The following CAP2 variants were observed in gnomAD, a reference collection of about 807,000 sequenced individuals.
The protein encoded by CAP2 is cyclase associated actin cytoskeleton regulatory protein 2.
A neutral mutation model predicts 57.7 loss-of-function variants in CAP2; 24 were observed. That is an observed-to-expected ratio of 0.42 (90% confidence interval 0.30 to 0.58). The LOEUF is 0.58. CAP2 is among the 20% of genes least tolerant of loss of function. The probability of loss-of-function intolerance (pLI) is 0.22; values close to 1 mark genes in which losing one functional copy is unlikely to be tolerated. For synonymous variants in CAP2, 194 were observed against 207.2 expected, an observed-to-expected ratio of 0.94 and a Z score of 0.55; for missense variants, 501 against 590.3, an observed-to-expected ratio of 0.85 and a Z score of 1.57.
chr6:17,551,445 G>A lies in CAP2; in HGVS notation c.1210-19G>A. 2.5e-6 allele frequency: 4 copies of A among 1,575,658 alleles called. No individual in the cohort carries two copies. Among genetic ancestry groups the A allele is most frequent in the Non-Finnish European group, 2.6e-6 (3 of 1,157,262 alleles). Reference sequence around the variant, plus strand: ...TTCTGTTTCTTTGCTTTGGTCCCAGGTATTTTTTCCTATTTCAGGTAATGG... The same window carrying A: ...TTCTGTTTCTTTGCTTTGGTCCCAGATATTTTTTCCTATTTCAGGTAATGG... On this transcript the variant is annotated intron_variant, in intron 11 of 12. Coordinates refer to ENST00000229922, the MANE Select transcript of CAP2 (RefSeq NM_006366.3).
chr6:17,550,567 C>T (rs73379006), intron 11 of CAP2, among the ~76,000 whole-genome samples: 2,570 of 151,938 alleles, frequency 0.017, 67 homozygotes, highest in African/African-American at 0.058. Context: ...GGTTTGCAAT[C>T]CAGCCTTTTC....
chr6:17,489,380 C>T (rs778374275), intron 4 of CAP2, among the ~76,000 whole-genome samples: 5 of 152,110 alleles, frequency 3.3e-5, no homozygotes, highest in Admixed American at 6.6e-5. Context: ...TGCAGTGAGC[C>T]GAGATCATGC....
chr6:17,421,658 G>A lies in CAP2; in HGVS notation c.103G>A (p.Val35Ile). Residue 35 changes from valine to isoleucine, a missense_variant, in exon 2 of 13, where the codon GTC (valine) becomes ATC (isoleucine). Transcript: ENST00000229922. ...CAGGCCCCCTGGGAACTGCGGGGAA[G>A]TCAATGGTGTCATTGCAGGTAGGGT... ...SHRPPGNCGE[V>I]NGVIAGVAPS... 1 of 1,614,112 alleles carries A rather than the reference G, an allele frequency of 6.2e-7. No homozygotes were observed. Among genetic ancestry groups the A allele is most frequent in the Non-Finnish European group, 8.5e-7 (1 of 1,180,050 alleles).
chr6:17,394,508 G>A (rs182735862), intron 1 of CAP2, among the ~76,000 whole-genome samples: 67 of 152,316 alleles, frequency 4.4e-4, no homozygotes, highest in African/African-American at 1.5e-3. Context: ...TCTTAAAAAT[G>A]AGTATGTATG....
chr6:17,536,569 C>T (rs77782745), intron 7 of CAP2, among the ~76,000 whole-genome samples: 5,787 of 152,250 alleles, frequency 0.038, 387 homozygotes, highest in African/African-American at 0.13. Context: ...TATCAAAGTT[C>T]CAAAAAGTTG....
chr6:17,510,349 A>C (rs1762113835), intron 6 of CAP2, among the ~76,000 whole-genome samples: 1 of 152,206 alleles, frequency 6.6e-6, no homozygotes, highest in African/African-American at 2.4e-5. Context: ...TTTATTTCAA[A>C]AAACAAAAAG....
At chr6:17,437,834 G>A (rs542085415) in intron 3 of CAP2, among the ~76,000 whole-genome samples, 14 of 152,208 alleles carry the variant, frequency 9.2e-5, no homozygotes, top group Admixed American at 2.6e-4. Context: ...CAGAGATCAC[G>A]CCACTGCACT....
rs898052020 is a variant in CAP2, at chr6:17,469,444, G to A, written c.300+6371G>A. 4.6e-5 allele frequency among the ~76,000 whole-genome samples: 7 copies of A among 152,080 alleles called. No homozygotes were observed. The East Asian group carries it at 1.3e-3, about 29-fold the overall frequency. On this transcript the variant is annotated intron_variant, in intron 4 of 12. Coordinates refer to ENST00000229922, the MANE Select transcript of CAP2 (RefSeq NM_006366.3). ...TGTGTGTGTGTGTGTCTGTGTGTGT[G>A]TGTATTTGCATGGAATCAATATGTA... is the stretch of plus-strand genomic sequence containing the variant.
At position 17,556,477 on chromosome 6, in the gene CAP2, C is replaced by T. The variant is rs10456206; in HGVS notation, c.*35C>T. On this transcript the variant is annotated 3_prime_UTR_variant, in exon 13 of 13. Coordinates refer to ENST00000229922, the MANE Select transcript of CAP2 (RefSeq NM_006366.3). ...AGACCGAACCCCCTCACCTGAATCCCCCTCTATCAAACAAACAAAAAAGCA... is the reference window on the plus strand; with the variant it reads ...AGACCGAACCCCCTCACCTGAATCCTCCTCTATCAAACAAACAAAAAAGCA... The T allele has an allele frequency of 0.015, 21,916 of 1,424,842 alleles. 214 individuals are homozygous for T. Among genetic ancestry groups the T allele is most frequent in the Non-Finnish European group, 0.019 (18,633 of 1,007,108 alleles). 88.3% of individuals were successfully genotyped at this position (1,424,842 alleles called of 1,614,324 possible).
chr6:17,406,412 T>TTTTTTTTTTTTTTC (rs1197104013), intron 1 of CAP2, among the ~76,000 whole-genome samples: 2 of 135,192 alleles, frequency 1.5e-5, no homozygotes, highest in African/African-American at 7.4e-5. Context: ...TTTTTTTTTT[T>TTTTTTTTTTTTTTC]TGAGGCAGTC....
chr6:17,441,306 A>G (rs1464153402), intron 3 of CAP2, among the ~76,000 whole-genome samples: 1 of 151,590 alleles, frequency 6.6e-6, no homozygotes, highest in Non-Finnish European at 1.5e-5. Context: ...GAGTTATGTA[A>G]ACTAATTTGT....
intron 3 of CAP2, among the ~76,000 whole-genome samples, chr6:17,457,529 G>A (rs1216512169): frequency 2.0e-5 from 3 of 152,230 alleles, no homozygotes; most frequent in Admixed American, 6.5e-5. Flanking sequence ...GGTTAAAAAC[G>A]AATGTAGATT....
At chr6:17,496,668 G>T (rs1761676233) in intron 4 of CAP2, among the ~76,000 whole-genome samples, 2 of 152,124 alleles carry the variant, frequency 1.3e-5, no homozygotes, top group South Asian at 4.1e-4. Context: ...TTAGGAAGAT[G>T]ATGTTACCCT....
intron 1 of CAP2, among the ~76,000 whole-genome samples, chr6:17,419,945 C>T (rs1759390581): frequency 6.6e-6 from 1 of 152,182 alleles, no homozygotes; most frequent in Admixed American, 6.5e-5. Flanking sequence ...AATCTCGGCT[C>T]ACTGCAACCT....
chr6:17,543,290 C>T (rs1428157197), intron 11 of CAP2, 147 bp downstream of exon 11: 21 of 672,618 alleles, frequency 3.1e-5, no homozygotes, highest in East Asian at 1.4e-4. Flanking sequence ...CTGTAAGCTG[C>T]GGCCTTGCAC....
intron 3 of CAP2, among the ~76,000 whole-genome samples, chr6:17,427,581 A>G (rs372383605): frequency 6.6e-6 from 1 of 150,638 alleles, no homozygotes; most frequent in African/African-American, 2.5e-5. Context: ...TGATGCAGGC[A>G]CTGTGGAAAA....
At chr6:17,426,527 G>T (rs1759595166) in intron 2 of CAP2, 63 bp from the exon 3 acceptor site, 1 of 1,204,354 alleles carries the variant, frequency 8.3e-7, no homozygotes. Context: ...GAGCCACCGT[G>T]CCCGGCTAGT....
rs145740895 is a variant in CAP2, at chr6:17,411,369, A to G, written c.-1-10186A>G. Among the ~76,000 whole-genome samples, 8 of 152,326 alleles carry G rather than the reference A, an allele frequency of 5.3e-5. No homozygotes were observed. In the East Asian group the frequency reaches 9.6e-4, roughly 18 times the overall value. On this transcript the variant is annotated intron_variant, in intron 1 of 12. Coordinates refer to ENST00000229922, the MANE Select transcript of CAP2 (RefSeq NM_006366.3). The stretch of plus-strand genomic sequence containing the variant: ...TGCTTAACTTCTGAAGAAACTTCCA[A>G]ACAGTTTAAACCAACTGTCCCATTT...
chr6:17,496,442 A>G (rs779073386), intron 4 of CAP2, among the ~76,000 whole-genome samples: 4 of 152,150 alleles, frequency 2.6e-5, no homozygotes, highest in Non-Finnish European at 2.9e-5. Flanking sequence ...GCTACTCACC[A>G]AATGAGCTAG....
Sources: allele counts gnomAD v4.1 joint callset (sites outside exome capture counted in the v4.1 genomes callset), GRCh38; gene constraint gnomAD v4.1.1; transcripts MANE v1.5; gene names NCBI Gene and HGNC (gene_info 2026-07-23, HGNC 2026-07-21).